GNAL: variants seen among roughly 807,000 people sequenced by gnomAD.
The protein encoded by GNAL is guanine nucleotide-binding protein G(olf) subunit alpha.
A neutral mutation model predicts 55.1 loss-of-function variants in GNAL; 18 were observed. The observed-to-expected ratio is 0.33, with a 90% CI of 0.23 to 0.48. GNAL has a LOEUF of 0.48. GNAL is among the 20% of genes least tolerant of loss of function. GNAL has a pLI of 0.99. For synonymous variants in GNAL, 253 were observed against 237.0 expected, an observed-to-expected ratio of 1.07 and a Z score of -0.62; for missense variants, 412 against 614.1, an observed-to-expected ratio of 0.67 and a Z score of 3.48.
intron 1 of GNAL, chr18:11,747,679 G>A (rs2032720507): frequency 6.9e-6 from 1 of 145,250 alleles, no homozygotes; most frequent in Non-Finnish European, 1.5e-5. Flanking sequence ...CAGGCCTACT[G>A]GGGTGTGAAA....
chr18:11,846,983 A>G (rs748837647), intron 5 of GNAL, among the ~76,000 whole-genome samples: 6 of 151,750 alleles, frequency 4.0e-5, no homozygotes, highest in African/African-American at 1.2e-4. Context: ...ATATATATAC[A>G]TACATTTAAT....
chr18:11,777,435 G>A (rs1391211610), intron 4 of GNAL, among the ~76,000 whole-genome samples: 1 of 152,218 alleles, frequency 6.6e-6, no homozygotes, highest in Non-Finnish European at 1.5e-5. Context: ...AAGCTTTAGA[G>A]TGCTGTGTGT....
intron 4 of GNAL, among the ~76,000 whole-genome samples, chr18:11,803,195 T>C (rs781256485): frequency 5.9e-5 from 9 of 152,200 alleles, no homozygotes; most frequent in Admixed American, 2.0e-4. Flanking sequence ...TTTCTCATCT[T>C]CCCAAAATGA....
rs2032870375 is a variant in GNAL, at chr18:11,752,270, G to A, written c.377-583G>A. The A allele has an allele frequency of 2.2e-6, 3 of 1,386,360 alleles. No individual in the cohort carries two copies. Among genetic ancestry groups the A allele is most frequent in the African/African-American group, 1.5e-5 (1 of 66,740 alleles). 85.9% of individuals were successfully genotyped at this position (1,386,360 alleles called of 1,614,324 possible). On this transcript the variant is annotated intron_variant, in intron 1 of 11. Coordinates refer to ENST00000334049, the MANE Select transcript of GNAL (RefSeq NM_182978.4). The surrounding 1 kb of genome is among the most constrained non-coding windows in gnomAD (Gnocchi z 4.5). ...GGAGTTTGCGGTGGGCAGGGGGAGG[G>A]AGAAGAAACGCCTGCTCTGAATCGG...
At chr18:11,773,252 A>G (rs143353190) in intron 4 of GNAL, among the ~76,000 whole-genome samples, 34 of 152,352 alleles carry the variant, frequency 2.2e-4, no homozygotes, top group African/African-American at 8.2e-4. Context: ...CTAAGCACAT[A>G]ACATGCTCAC....
At chr18:11,857,402 A>G in intron 5 of GNAL, 1 of 747,814 alleles carries the variant, frequency 1.3e-6, no homozygotes, top group Non-Finnish European at 1.6e-6. Flanking sequence ...CAAAAACTAC[A>G]GGGAGTTTTG....
intron 4 of GNAL, among the ~76,000 whole-genome samples, chr18:11,772,040 C>T (rs1166787566): frequency 6.6e-6 from 1 of 152,126 alleles, no homozygotes; most frequent in Non-Finnish European, 1.5e-5. Context: ...CGCAGAGGTG[C>T]TCCTTCTCAG....
At chr18:11,851,866 G>T in intron 5 of GNAL, 1 of 1,613,924 alleles carries the variant, frequency 6.2e-7, no homozygotes, top group Non-Finnish European at 8.5e-7. Context: ...GGACAAATTC[G>T]AGCACCAGTT....
intron 5 of GNAL, chr18:11,851,493 C>G (rs1379975960): frequency 6.5e-7 from 1 of 1,528,320 alleles, no homozygotes; most frequent in Non-Finnish European, 8.7e-7. Context: ...GGCCGCCGAC[C>G]CAAAGGAGCC....
intron 8 of GNAL, among the ~76,000 whole-genome samples, chr18:11,867,990 T>C (rs981988986): frequency 5.9e-5 from 9 of 151,998 alleles, no homozygotes; most frequent in Admixed American, 5.9e-4. Flanking sequence ...CCGGGTGTTA[T>C]GGCGCACACC....
intron 1 of GNAL, among the ~76,000 whole-genome samples, chr18:11,728,026 A>C (rs1000995621): frequency 6.6e-6 from 1 of 152,152 alleles, no homozygotes. Flanking sequence ...CAGGAGTTCG[A>C]GACCAGCCTG....
chr18:11,817,827 G>A (rs553584397), intron 4 of GNAL, among the ~76,000 whole-genome samples: 59 of 151,754 alleles, frequency 3.9e-4, no homozygotes, highest in African/African-American at 1.4e-3. Context: ...GGGCTCTGGT[G>A]ATCCGCCCGC....
intron 4 of GNAL, among the ~76,000 whole-genome samples, chr18:11,809,683 A>C (rs985619978): frequency 6.6e-6 from 1 of 152,222 alleles, no homozygotes; most frequent in African/African-American, 2.4e-5. Flanking sequence ...CAGTGAACCA[A>C]GATCAAGCCA....
chr18:11,780,547 A>G (rs563070150), intron 4 of GNAL, among the ~76,000 whole-genome samples: 2 of 152,336 alleles, frequency 1.3e-5, no homozygotes, highest in East Asian at 3.9e-4. Flanking sequence ...CCTCTGTCCA[A>G]GCAGTTTTTC....
At chr18:11,846,452 T>TAA (rs2035739476) in intron 5 of GNAL, among the ~76,000 whole-genome samples, 2 of 75,852 alleles carry the variant, frequency 2.6e-5, no homozygotes, top group Non-Finnish European at 5.2e-5. Flanking sequence ...AATATAAATA[T>TAA]ATATATAAAT....
At chr18:11,715,778 A>G (rs1037303324) in intron 1 of GNAL, among the ~76,000 whole-genome samples, 2 of 152,120 alleles carry the variant, frequency 1.3e-5, no homozygotes, top group Admixed American at 1.3e-4. Flanking sequence ...TAATAATCCA[A>G]GCAGCCAGTA....
chr18:11,848,388 A>G (rs373517466), intron 5 of GNAL, among the ~76,000 whole-genome samples: 28 of 152,134 alleles, frequency 1.8e-4, no homozygotes, highest in Admixed American at 5.2e-4. Context: ...TAGAGGTGTC[A>G]TCATCCAAGG....
intron 5 of GNAL, among the ~76,000 whole-genome samples, chr18:11,835,859 G>A (rs936170058): frequency 6.6e-6 from 1 of 152,142 alleles, no homozygotes; most frequent in Non-Finnish European, 1.5e-5. Context: ...TAAGACGTGC[G>A]TCCCACCAGG....
At chr18:11,845,780 AGAGAGAGAAAGAGAGAGG>A (rs2035720359) in intron 5 of GNAL, among the ~76,000 whole-genome samples, 1 of 149,008 alleles carries the variant, frequency 6.7e-6, no homozygotes, top group East Asian at 2.1e-4. Flanking sequence ...AGAGAGAGAG[AGAGAGAGAAAGAGAGAGG>A]GAGGGAGAGG....
Sources: gnomAD v4.1 joint callset for allele counts (sites outside exome capture counted in the v4.1 genomes callset) on GRCh38, gnomAD v4.1.1 for gene constraint, Gnocchi (gnomAD v3.1) non-coding constraint, MANE v1.5 for transcripts, NCBI Gene and HGNC (gene_info 2026-07-23, HGNC 2026-07-21) for gene names.